Variants in C12orf60 observed in about 807,000 individuals in gnomAD.
C12orf60 encodes chromosome 12 open reading frame 60.
For missense variants in C12orf60, 284 were observed against 283.2 expected (o/e 1.00, Z -0.02); for synonymous variants, 102 against 94.6 (o/e 1.08, Z -0.45).
At position 14,807,698 on chromosome 12, in the gene C12orf60, A is replaced by G. The variant is rs1163977481; in HGVS notation, c.-25+3947A>G. 2.0e-5 allele frequency among the ~76,000 whole-genome samples: 3 copies of G among 152,164 alleles called. No homozygotes were observed. The East Asian group carries it at 5.8e-4, about 29-fold the overall frequency. On this transcript the variant is annotated intron_variant, in intron 1 of 1. Transcript: ENST00000330828. ...CTTTGGATTAAAATTTCATGTGGGG[A>G]GAAGGTAGGCACTATACAGGGCACA...
rs551584670 is a variant in C12orf60 at position 14,823,020 on chromosome 12, G to T, written c.85G>T (p.Val29Phe). The change falls in exon 2 of 2, where the codon GTC becomes TTC. Residue 29 changes from valine (V) to phenylalanine (F), a missense_variant. Physicochemically the swap from Val to Phe is conservative, Grantham distance 50. Transcript: ENST00000330828. Reference protein sequence around the residue: ...FFFHVQDLASVINTLTELFSR... With the variant: ...FFFHVQDLASFINTLTELFSR... ...CTTTCATGTACAAGATCTTGCTTCTGTCATAAACACACTGACTGAATTGTT... is the reference window on the plus strand; with the variant it reads ...CTTTCATGTACAAGATCTTGCTTCTTTCATAAACACACTGACTGAATTGTT... The T allele has an allele frequency of 6.2e-7, 1 of 1,613,560 alleles. No individual in the cohort carries two copies. Among genetic ancestry groups the T allele is most frequent in the East Asian group, 2.2e-5 (1 of 44,836 alleles).
intron 1 of C12orf60, among the ~76,000 whole-genome samples, chr12:14,811,136 C>A (rs1950129507): frequency 6.6e-6 from 1 of 152,198 alleles, no homozygotes; most frequent in South Asian, 2.1e-4. Flanking sequence ...TTTGAATTGT[C>A]ACATGATGGT....
Position 14,820,542 on chromosome 12 carries a change from T to C in C12orf60, c.-24-2370T>C, listed in dbSNP as rs949939208. Among the ~76,000 whole-genome samples the C allele has an allele frequency of 3.3e-5, 5 of 152,184 alleles. No homozygotes were observed. In the South Asian group the frequency reaches 8.3e-4, roughly 25 times the overall value. On this transcript the variant is annotated intron_variant, in intron 1 of 1. Transcript: ENST00000330828. ...GATTTTGATATATTTTCATTTTCAT[T>C]CAGTTCAAAATAATTTCTATATTTT...
intron 1 of C12orf60, among the ~76,000 whole-genome samples, chr12:14,820,440 A>G (rs938016566): frequency 6.6e-6 from 1 of 151,760 alleles, no homozygotes; most frequent in East Asian, 1.9e-4. Context: ...AAAATTATTC[A>G]TTTTATATCT....
At chr12:14,817,697 A>G (rs1048901576) in intron 1 of C12orf60, among the ~76,000 whole-genome samples, 10 of 152,134 alleles carry the variant, frequency 6.6e-5, no homozygotes, top group Admixed American at 5.2e-4. Flanking sequence ...TCCATGGTGT[A>G]TATGTAACAC....
intron 1 of C12orf60, among the ~76,000 whole-genome samples, chr12:14,813,365 C>T (rs1305358202): frequency 1.3e-5 from 2 of 152,144 alleles, no homozygotes; most frequent in Non-Finnish European, 2.9e-5. Flanking sequence ...AGGAGCTTTT[C>T]AGAAGAAAAT....
At chr12:14,809,434 A>C (rs1225229948) in intron 1 of C12orf60, among the ~76,000 whole-genome samples, 1 of 152,192 alleles carries the variant, frequency 6.6e-6, no homozygotes, top group Non-Finnish European at 1.5e-5. Context: ...AATAGTAAAC[A>C]GTATGGTACA....
chr12:14,817,894 AG>A (rs1180199392), intron 1 of C12orf60, among the ~76,000 whole-genome samples: 1 of 152,194 alleles, frequency 6.6e-6, no homozygotes, highest in Admixed American at 6.5e-5. Context: ...TATATCCTTG[AG>A]GAATTGCCAT....
At chr12:14,807,470 A>G (rs946327071) in intron 1 of C12orf60, among the ~76,000 whole-genome samples, 4 of 152,280 alleles carry the variant, frequency 2.6e-5, no homozygotes, top group Admixed American at 2.0e-4. Flanking sequence ...GGCCAGATAA[A>G]TATTAACATC....
chr12:14,811,598 G>A (rs933171348), intron 1 of C12orf60, among the ~76,000 whole-genome samples: 1 of 152,112 alleles, frequency 6.6e-6, no homozygotes, highest in African/African-American at 2.4e-5. Flanking sequence ...TTTTTGAATT[G>A]AGAAGTCAAC....
intron 1 of C12orf60, among the ~76,000 whole-genome samples, chr12:14,808,207 A>G (rs540478769): frequency 6.6e-6 from 1 of 152,300 alleles, no homozygotes; most frequent in East Asian, 1.9e-4. Context: ...GAATGAATAA[A>G]ATAAACTTGA....
At chr12:14,817,783 A>G (rs570265919) in intron 1 of C12orf60, among the ~76,000 whole-genome samples, 5 of 152,322 alleles carry the variant, frequency 3.3e-5, no homozygotes, top group South Asian at 2.1e-4. Context: ...TAGTGCTGCA[A>G]TAAACATACA....
intron 1 of C12orf60, among the ~76,000 whole-genome samples, chr12:14,815,481 AGTGGG>A (rs1018510592): frequency 3.3e-5 from 5 of 152,190 alleles, no homozygotes; most frequent in Non-Finnish European, 2.9e-5. Flanking sequence ...ACAGGGTGTA[AGTGGG>A]AGCAGTTAAG....
intron 1 of C12orf60, chr12:14,805,951 T>A (rs532916993): frequency 9.3e-6 from 14 of 1,508,236 alleles, no homozygotes; most frequent in Non-Finnish European, 1.2e-5. Context: ...AAGCAAACAC[T>A]GTTACTGAAA....
rs1950328363 is a variant in C12orf60, at chr12:14,822,948, T to A, written c.13T>A (p.Ser5Thr). 3 of 1,574,830 alleles carry A rather than the reference T, an allele frequency of 1.9e-6. No homozygotes were observed. Among genetic ancestry groups the A allele is most frequent in the African/African-American group, 1.4e-5 (1 of 73,394 alleles). Residue 5 changes from serine (S) to threonine (T), a missense_variant, in exon 2 of 2, where the codon TCA becomes ACA. Ser to Thr is a moderately conservative substitution (Grantham distance 58). Transcript: ENST00000330828. MSSE[S>T]EKDKERLIQA... ...ATTTGTTGGAGAAATGTCTTCAGAG[T>A]CAGAAAAGGATAAAGAGAGACTGAT...
At chr12:14,818,848 G>C (rs906077332) in intron 1 of C12orf60, among the ~76,000 whole-genome samples, 8 of 152,140 alleles carry the variant, frequency 5.3e-5, no homozygotes, top group African/African-American at 1.9e-4. Flanking sequence ...TTCCTGTTCT[G>C]TTAGGTTGGT....
chr12:14,822,844 C>CT, intron 1 of C12orf60, 68 bp from the exon 2 acceptor site: 2 of 1,348,354 alleles, frequency 1.5e-6, no homozygotes, highest in Non-Finnish European at 2.0e-6. Context: ...TTAGACTATA[C>CT]TTTCAGTTTC....
rs767550760 is a variant in C12orf60 at position 14,822,983 on chromosome 12, C to T, written c.48C>T (p.Ala16=). 1 of 1,607,600 alleles carries T rather than the reference C, an allele frequency of 6.2e-7. No individual in the cohort carries two copies. Residue 16 remains alanine, a synonymous_variant, in exon 2 of 2, where the codon GCC becomes GCT. Transcript: ENST00000330828. The part of the protein sequence containing the change: ...EKDKERLIQA[A]KMFFFHVQDL... ...ATAAAGAGAGACTGATTCAAGCTGC[C>T]AAAATGTTCTTCTTTCATGTACAAG... is the stretch of plus-strand genomic sequence containing the variant.
At chr12:14,805,721 C>T (rs1223665621) in intron 1 of C12orf60, 10 of 351,880 alleles carry the variant, frequency 2.8e-5, no homozygotes, top group Non-Finnish European at 5.1e-5. Flanking sequence ...TGCTACTCTA[C>T]GATAGCATTT....
Sources: gnomAD v4.1 joint callset for allele counts (sites outside exome capture counted in the v4.1 genomes callset) on GRCh38, gnomAD v4.1.1 for gene constraint, MANE v1.5 for transcripts, NCBI Gene and HGNC (gene_info 2026-07-23, HGNC 2026-07-21) for gene names.